The following CBL variants were observed in gnomAD, a reference collection of about 807,000 sequenced individuals.
CBL encodes Cbl proto-oncogene.
In CBL, 45 loss-of-function variants were observed where a neutral mutation model predicts 96.9. The ratio of observed to expected loss-of-function variants is 0.46; its 90% confidence interval spans 0.37 to 0.60. The LOEUF (loss-of-function observed/expected upper bound fraction) is 0.60, where lower values mean the gene tolerates loss of function less well. Ranked by LOEUF, CBL falls within the 20% of genes least tolerant of loss-of-function variation. The pLI, the probability that CBL is intolerant of heterozygous loss-of-function variation, is 0.00. For missense variants in CBL, 1,024 were observed against 1,143.5 expected, an observed-to-expected ratio of 0.90 and a Z score of 1.51; for synonymous variants, 420 against 426.8, an observed-to-expected ratio of 0.98 and a Z score of 0.20.
intron 1 of CBL, among the ~76,000 whole-genome samples, chr11:119,214,032 C>T (rs1269354958): frequency 1.3e-5 from 2 of 152,186 alleles, no homozygotes; most frequent in Middle Eastern, 3.2e-3. Context: ...GCAACCTCCA[C>T]CTCCTGGATT....
intron 3 of CBL, among the ~76,000 whole-genome samples, chr11:119,273,632 G>T (rs905557267): frequency 6.6e-6 from 1 of 152,108 alleles, no homozygotes; most frequent in Non-Finnish European, 1.5e-5. Flanking sequence ...CCCAGTCTGG[G>T]CTCAAGCAGT....
rs115847507 is a variant in CBL, at chr11:119,222,226, A to G, written c.196-10222A>G. Among the ~76,000 whole-genome samples, 1,151 of 152,336 alleles carry G rather than the reference A, an allele frequency of 7.6e-3. 19 individuals are homozygous for G. The highest frequency in any genetic ancestry group is 0.026 in the African/African-American group (1,093 of 41,580). ...TGGTTTTCTGCCTAATTAGAAACAC[A>G]GATTCCTTAGTGTTAGAAAAGATTC... On this transcript the variant is annotated intron_variant, in intron 1 of 15. Coordinates refer to ENST00000264033, the MANE Select transcript of CBL (RefSeq NM_005188.4).
chr11:119,210,600 T>C (rs1949308233), intron 1 of CBL, among the ~76,000 whole-genome samples: 3 of 140,596 alleles, frequency 2.1e-5, no homozygotes, highest in South Asian at 4.9e-4. Flanking sequence ...GGCTAATTTT[T>C]CAATTTTTTT....
At chr11:119,215,507 A>T (rs1949352640) in intron 1 of CBL, among the ~76,000 whole-genome samples, 2 of 151,916 alleles carry the variant, frequency 1.3e-5, no homozygotes, top group African/African-American at 4.8e-5. Flanking sequence ...CTCTACTAAA[A>T]ATACAAAAAT....
At chr11:119,238,461 C>T (rs1228585001) in intron 2 of CBL, among the ~76,000 whole-genome samples, 8 of 151,996 alleles carry the variant, frequency 5.3e-5, no homozygotes, top group East Asian at 3.9e-4. Context: ...CCGCCCGCCT[C>T]GGCCTCCCAA....
At chr11:119,259,843 AT>A (rs1351613154) in intron 2 of CBL, among the ~76,000 whole-genome samples, 2 of 152,170 alleles carry the variant, frequency 1.3e-5, no homozygotes, top group Non-Finnish European at 2.9e-5. Context: ...TGTCACATGG[AT>A]TTATTCTGCC....
At position 119,222,821 on chromosome 11, in the gene CBL, A is replaced by G. The variant is rs576268974; in HGVS notation, c.196-9627A>G. Among the ~76,000 whole-genome samples the G allele has an allele frequency of 7.2e-5, 11 of 152,218 alleles. No homozygotes were observed. In the East Asian group the frequency reaches 2.1e-3, roughly 29 times the overall value. On this transcript the variant is annotated intron_variant, in intron 1 of 15. Coordinates refer to ENST00000264033, the MANE Select transcript of CBL (RefSeq NM_005188.4). The stretch of plus-strand genomic sequence containing the variant: ...AGGGCCTTTAGGAACCATTTTTTAA[A>G]AGAGGTTATACATAATAAGGACTTT...
intron 9 of CBL, 27 bp downstream of exon 9, chr11:119,278,740 A>G: frequency 1.9e-6 from 3 of 1,577,188 alleles, no homozygotes; most frequent in Non-Finnish European, 2.6e-6. Flanking sequence ...GGAGACTGGC[A>G]AAATCCATTG....
chr11:119,239,210 A>T (rs557099322), intron 2 of CBL, among the ~76,000 whole-genome samples: 1 of 150,918 alleles, frequency 6.6e-6, no homozygotes, highest in South Asian at 2.1e-4. Flanking sequence ...GGCTCAAGCA[A>T]TCTGCCCATC....
chr11:119,264,377 C>CT (rs998474689), intron 2 of CBL, among the ~76,000 whole-genome samples: 6 of 115,432 alleles, frequency 5.2e-5, no homozygotes, highest in African/African-American at 1.2e-4. Flanking sequence ...TTATTATGAT[C>CT]TTTCTTTTCT....
Position 119,274,921 on chromosome 11 carries a change from T to C in CBL, c.837T>C (p.Ala279=), listed in dbSNP as rs140250592. The change falls in exon 5 of 16, where the codon GCT becomes GCC. Residue 279 remains alanine (A), a synonymous_variant. Transcript: ENST00000264033. Reference sequence around the variant, plus strand: ...TTTTGACGTATGACGAAGTGAAAGCTCGGCTCCAGAAATTCATTCACAAAC... The same window carrying C: ...TTTTGACGTATGACGAAGTGAAAGCCCGGCTCCAGAAATTCATTCACAAAC... ...MAFLTYDEVK[A]RLQKFIHKPG... is the part of the protein sequence containing the mutation. The C allele has an allele frequency of 1.9e-5, 31 of 1,614,020 alleles. No homozygotes were observed. The highest frequency in any genetic ancestry group is 2.6e-5 in the Non-Finnish European group (31 of 1,179,992).
intron 2 of CBL, among the ~76,000 whole-genome samples, chr11:119,249,576 G>A (rs1319039385): frequency 6.6e-6 from 1 of 151,030 alleles, no homozygotes; most frequent in Non-Finnish European, 1.5e-5. Flanking sequence ...AATGCTGTGG[G>A]CACATTATAG....
chr11:119,292,482 G>A (rs1301488659), intron 12 of CBL, among the ~76,000 whole-genome samples: 7 of 151,354 alleles, frequency 4.6e-5, no homozygotes, highest in South Asian at 2.1e-4. Context: ...GTGCAGTGGC[G>A]CAGTCTTGGC....
Position 119,278,385 on chromosome 11 carries a change from C to T in CBL, c.1227+88C>T, listed in dbSNP as rs554251384. ...TAGCCTTTACTGATACAAGGGGTGG[C>T]CTGGCTTTTGGGGTTAGGTTTAAAC... On this transcript the variant is annotated intron_variant, in intron 8 of 15. Coordinates refer to ENST00000264033, the MANE Select transcript of CBL (RefSeq NM_005188.4). 5 of 1,557,288 alleles carry T rather than the reference C, an allele frequency of 3.2e-6. No individual in the cohort carries two copies. The South Asian group carries it at 4.5e-5, about 14-fold the overall frequency.
At chr11:119,244,458 T>C (rs905407744) in intron 2 of CBL, among the ~76,000 whole-genome samples, 64 of 151,928 alleles carry the variant, frequency 4.2e-4, no homozygotes, top group Non-Finnish European at 4.9e-4. Context: ...CACTCTGCCG[T>C]GCAGGCTGGA....
At chr11:119,257,994 A>AG (rs1236956942) in intron 2 of CBL, among the ~76,000 whole-genome samples, 14 of 152,116 alleles carry the variant, frequency 9.2e-5, no homozygotes, top group Non-Finnish European at 1.8e-4. Context: ...TTGGAGGCTG[A>AG]GGCAGGCGGG....
At chr11:119,227,885 G>A (rs1949470808) in intron 1 of CBL, among the ~76,000 whole-genome samples, 1 of 152,056 alleles carries the variant, frequency 6.6e-6, no homozygotes, top group Non-Finnish European at 1.5e-5. Flanking sequence ...CATTTTTATT[G>A]TTTTATTGCT....
chr11:119,305,160 GT>G lies in CBL; in HGVS notation c.*5382del, dbSNP rs1950126091. On this transcript the variant is annotated 3_prime_UTR_variant, in exon 16 of 16. Coordinates refer to ENST00000264033, the MANE Select transcript of CBL (RefSeq NM_005188.4). ...GCTTAGTGGACAGGAAGGCACAGGA[GT>G]TTGTCTGGGACATCATAGAAATTCT... 1 of 225,292 alleles carries G rather than the reference GT, an allele frequency of 4.4e-6. No homozygotes were observed. The allele number at this position is 225,292 out of a possible 1,614,324, so 14.0% of individuals were successfully genotyped here.
In CBL at chr11:119,283,639, T is replaced by C. The variant is rs1449448839; in HGVS notation, c.1432-1330T>C. 2.6e-5 allele frequency among the ~76,000 whole-genome samples: 3 copies of C among 116,878 alleles called. No homozygotes were observed. The South Asian group carries it at 1.2e-3, about 47-fold the overall frequency. 76.7% of individuals were successfully genotyped at this position (116,878 alleles called of 152,430 possible). A position where few individuals can be genotyped will look rare whatever the true frequency, so the allele number is the denominator to read the frequency against. ...TTTAATTCTTTCTTTTTTTTTTTTT[T>C]TTTTTTTTTTTTTTTTGAGATGGAG... is the stretch of plus-strand genomic sequence containing the variant. On this transcript the variant is annotated intron_variant, in intron 9 of 15. Transcript: ENST00000264033.
Sources: allele counts gnomAD v4.1 joint callset (sites outside exome capture counted in the v4.1 genomes callset), GRCh38; gene constraint gnomAD v4.1.1; transcripts MANE v1.5; gene names NCBI Gene and HGNC (gene_info 2026-07-23, HGNC 2026-07-21).